The following ATP6V1H variants were observed in gnomAD, a reference collection of about 807,000 sequenced individuals.
ATP6V1H encodes ATPase H+ transporting V1 subunit H, also known as V-type proton ATPase subunit H.
A neutral mutation model predicts 71.7 loss-of-function variants in ATP6V1H; 39 were observed. That is an observed-to-expected ratio of 0.54 (90% CI 0.42 to 0.71). The LOEUF (loss-of-function observed/expected upper bound fraction) is 0.71. Ranked by LOEUF, ATP6V1H falls within the 30% of genes least tolerant of loss-of-function variation. The pLI, the probability that ATP6V1H is intolerant of heterozygous loss-of-function variation, is 0.00. For missense variants in ATP6V1H, 509 were observed against 594.9 expected (o/e 0.86, Z 1.50); for synonymous variants, 192 against 199.3 (o/e 0.96, Z 0.31).
At chr8:53,790,487 A>G (rs1809532206) in intron 9 of ATP6V1H, among the ~76,000 whole-genome samples, 1 of 152,362 alleles carries the variant, frequency 6.6e-6, no homozygotes, top group Non-Finnish European at 1.5e-5. Context: ...AGGTTCATTT[A>G]GCACATATTT....
At chr8:53,718,181 A>T (rs1057052514) in intron 13 of ATP6V1H, among the ~76,000 whole-genome samples, 1 of 152,180 alleles carries the variant, frequency 6.6e-6, no homozygotes, top group Non-Finnish European at 1.5e-5. Flanking sequence ...GCAGACAACA[A>T]GTGGTGAAGA....
At chr8:53,754,112 A>C (rs1357443306) in intron 12 of ATP6V1H, among the ~76,000 whole-genome samples, 1 of 152,242 alleles carries the variant, frequency 6.6e-6, no homozygotes, top group African/African-American at 2.4e-5. Flanking sequence ...TATGGCAGTA[A>C]GCACATCTGC....
intron 9 of ATP6V1H, among the ~76,000 whole-genome samples, chr8:53,781,326 G>A (rs1809119962): frequency 6.6e-6 from 1 of 152,176 alleles, no homozygotes; most frequent in South Asian, 2.1e-4. Flanking sequence ...TTTTATGGCT[G>A]CATAAATGTC....
intron 12 of ATP6V1H, among the ~76,000 whole-genome samples, chr8:53,746,381 C>A (rs1807603591): frequency 6.6e-6 from 1 of 151,982 alleles, no homozygotes; most frequent in Non-Finnish European, 1.5e-5. Context: ...TCTCCTGCCT[C>A]AGTCTCCCGA....
chr8:53,732,054 G>T (rs192110103), intron 13 of ATP6V1H, among the ~76,000 whole-genome samples: 3 of 152,214 alleles, frequency 2.0e-5, no homozygotes, highest in Non-Finnish European at 4.4e-5. Context: ...GTGGAAGCGT[G>T]GCCTGATCAC....
At chr8:53,770,505 AC>A (rs964241308) in intron 10 of ATP6V1H, among the ~76,000 whole-genome samples, 2 of 152,190 alleles carry the variant, frequency 1.3e-5, no homozygotes, top group Non-Finnish European at 2.9e-5. Flanking sequence ...ATTCGGTATA[AC>A]CAGGATGTAC....
chr8:53,800,573 T>C (rs1809878215), intron 8 of ATP6V1H, among the ~76,000 whole-genome samples: 1 of 152,160 alleles, frequency 6.6e-6, no homozygotes, highest in Non-Finnish European at 1.5e-5. Context: ...AACTGATAAA[T>C]GAGGAATATA....
chr8:53,813,614 A>G (rs1440830093), intron 6 of ATP6V1H, among the ~76,000 whole-genome samples: 5 of 152,050 alleles, frequency 3.3e-5, no homozygotes, highest in Non-Finnish European at 7.4e-5. Flanking sequence ...CTGAGTATCA[A>G]TCCCACCAAA....
rs143190505 is a variant in ATP6V1H at position 53,741,677 on chromosome 8, A to G, written c.1391+1900T>C. On this transcript the variant is annotated intron_variant, in intron 13 of 13. Transcript: ENST00000359530. ...AGTAAGGAGAGAAATCCTGTGATGT[A>G]TCCTATGTTTTACTGACAGACCTGA... Among the ~76,000 whole-genome samples, 494 of 152,320 alleles carry G rather than the reference A, an allele frequency of 3.2e-3. 1 individual carries two copies. The highest frequency in any genetic ancestry group is 0.011 in the African/African-American group (441 of 41,568).
intron 13 of ATP6V1H, among the ~76,000 whole-genome samples, chr8:53,742,375 A>G (rs1807445020): frequency 6.6e-6 from 1 of 152,210 alleles, no homozygotes; most frequent in Non-Finnish European, 1.5e-5. Context: ...CAAGTTCGTT[A>G]CTACTTCACA....
At position 53,785,360 on chromosome 8, in the gene ATP6V1H, A is replaced by G. The variant is rs189908550; in HGVS notation, c.870+10287T>C. On this transcript the variant is annotated intron_variant, in intron 9 of 13. Coordinates refer to ENST00000359530, the MANE Select transcript of ATP6V1H (RefSeq NM_015941.4). Reference sequence around the variant, plus strand: ...ACTGAGGCTTGTGCATTCATCACATAGTTCTCGTGCCGTGGTTTTCAGCTC... The same window carrying G: ...ACTGAGGCTTGTGCATTCATCACATGGTTCTCGTGCCGTGGTTTTCAGCTC... 3.5e-3 allele frequency among the ~76,000 whole-genome samples: 526 copies of G among 152,274 alleles called. 2 individuals are homozygous for G. The highest frequency in any genetic ancestry group is 5.6e-3 in the Non-Finnish European group (379 of 68,028).
intron 9 of ATP6V1H, among the ~76,000 whole-genome samples, chr8:53,789,891 T>C (rs887913911): frequency 1.3e-5 from 2 of 152,182 alleles, no homozygotes; most frequent in Non-Finnish European, 2.9e-5. Flanking sequence ...ACCTTTCTAT[T>C]GCCCCTAAGG....
At chr8:53,835,864 C>A (rs1811142005) in intron 2 of ATP6V1H, among the ~76,000 whole-genome samples, 1 of 152,112 alleles carries the variant, frequency 6.6e-6, no homozygotes, top group African/African-American at 2.4e-5. Flanking sequence ...GCCTCCTGTG[C>A]CTCAGCTACT....
At position 53,814,817 on chromosome 8, in the gene ATP6V1H, C is replaced by T. The variant is rs752372496; in HGVS notation, c.421-51G>A. The T allele has an allele frequency of 2.5e-6, 3 of 1,221,346 alleles. No individual in the cohort carries two copies. The South Asian group carries it at 4.1e-5, about 17-fold the overall frequency. The allele number at this position is 1,221,346 out of a possible 1,614,324, so 75.7% of individuals were successfully genotyped here. A position where few individuals can be genotyped will look rare whatever the true frequency, so the allele number is the denominator to read the frequency against. On this transcript the variant is annotated intron_variant, in intron 5 of 13. Transcript: ENST00000359530. ...AACGCAACATTAATTCTAAAAATCA[C>T]ATCATATACCTTAAAAAAAGGATTT...
intron 3 of ATP6V1H, among the ~76,000 whole-genome samples, chr8:53,829,903 A>G (rs1810949860): frequency 6.6e-6 from 1 of 152,242 alleles, no homozygotes; most frequent in South Asian, 2.1e-4. Context: ...GACAAGAGCA[A>G]CAAGAGTACC....
At chr8:53,716,496 C>T (rs1806426539) in intron 13 of ATP6V1H, among the ~76,000 whole-genome samples, 1 of 152,216 alleles carries the variant, frequency 6.6e-6, no homozygotes, top group Non-Finnish European at 1.5e-5. Context: ...CCTGGGATGA[C>T]ACAAGAGTAC....
At chr8:53,838,139 T>TC (rs1811221533) in intron 2 of ATP6V1H, among the ~76,000 whole-genome samples, 1 of 151,504 alleles carries the variant, frequency 6.6e-6, no homozygotes, top group African/African-American at 2.4e-5. Context: ...TTTTTTTTTT[T>TC]CTTTGAGTCA....
intron 6 of ATP6V1H, among the ~76,000 whole-genome samples, 171 bp downstream of exon 6, chr8:53,814,491 A>G (rs540684099): frequency 2.0e-5 from 3 of 152,216 alleles, no homozygotes; most frequent in Non-Finnish European, 4.4e-5. Flanking sequence ...TCAAAGAAAG[A>G]AAAAGCAAAG....
chr8:53,834,314 T>C (rs1811092944), intron 2 of ATP6V1H, among the ~76,000 whole-genome samples: 1 of 152,144 alleles, frequency 6.6e-6, no homozygotes, highest in Non-Finnish European at 1.5e-5. Flanking sequence ...AATGAAAAAA[T>C]ATAAGAAAAA....
Sources: allele counts gnomAD v4.1 joint callset (sites outside exome capture counted in the v4.1 genomes callset), GRCh38; gene constraint gnomAD v4.1.1; transcripts MANE v1.5; gene names NCBI Gene and HGNC (gene_info 2026-07-23, HGNC 2026-07-21).